ERG: variants seen among roughly 807,000 people sequenced by gnomAD.
The protein encoded by ERG is transcriptional regulator ERG.
In ERG, 9 loss-of-function variants were observed where a neutral mutation model predicts 55.3. The observed-to-expected ratio is 0.16, with a 90% confidence interval of 0.10 to 0.28. ERG has a LOEUF of 0.28. Ranked by LOEUF, ERG falls within the 10% of genes least tolerant of loss-of-function variation. The pLI is 1.00. For synonymous variants in ERG, 223 were observed against 237.3 expected (o/e 0.94, Z 0.55); for missense variants, 434 against 631.6 (o/e 0.69, Z 3.35).
intron 1 of ERG, among the ~76,000 whole-genome samples, chr21:38,486,147 A>G (rs1189313699): frequency 6.6e-6 from 1 of 151,458 alleles, no homozygotes; most frequent in Admixed American, 6.6e-5. Context: ...GTTAGCCAGG[A>G]TGGTCTCCAT....
intron 1 of ERG, among the ~76,000 whole-genome samples, chr21:38,645,790 A>C (rs2060452465): frequency 6.6e-6 from 1 of 152,248 alleles, no homozygotes; most frequent in South Asian, 2.1e-4. Flanking sequence ...TTCCAAATAC[A>C]GGCCCAGAAA....
intron 2 of ERG, among the ~76,000 whole-genome samples, chr21:38,549,472 G>A (rs1356729773): frequency 6.6e-6 from 1 of 152,162 alleles, no homozygotes; most frequent in African/African-American, 2.4e-5. Flanking sequence ...TAATCTAGAT[G>A]TTCAATCTAC....
At chr21:38,565,494 T>G (rs992808809) in intron 2 of ERG, among the ~76,000 whole-genome samples, 1 of 152,144 alleles carries the variant, frequency 6.6e-6, no homozygotes, top group African/African-American at 2.4e-5. Flanking sequence ...CCAACTCACA[T>G]CCTGCAGCTT....
the ERG span, among the ~76,000 whole-genome samples, chr21:38,373,011 C>A: frequency 7.8e-3 from 1,181 of 152,120 alleles, 18 homozygotes; most frequent in African/African-American, 0.026. Context: ...ATCCATAGAT[C>A]CTGGAAGCAA....
intron 1 of ERG, among the ~76,000 whole-genome samples, chr21:38,451,784 T>G (rs917538208): frequency 6.6e-6 from 1 of 152,220 alleles, no homozygotes; most frequent in Non-Finnish European, 1.5e-5. Flanking sequence ...TTATTCTAAA[T>G]GTGTGCACTT....
At chr21:38,607,535 G>A (rs926067106) in intron 1 of ERG, among the ~76,000 whole-genome samples, 1 of 152,132 alleles carries the variant, frequency 6.6e-6, no homozygotes, top group Non-Finnish European at 1.5e-5. Flanking sequence ...CTGAGAGGCT[G>A]AGGCAGGAGA....
intron 2 of ERG, among the ~76,000 whole-genome samples, chr21:38,529,474 T>C (rs534367966): frequency 1.6e-4 from 25 of 152,208 alleles, no homozygotes; most frequent in African/African-American, 6.0e-4. Context: ...CATTTGGGCT[T>C]AAACAAACCC....
At chr21:38,609,547 C>A (rs201619667) in intron 1 of ERG, among the ~76,000 whole-genome samples, 1 of 152,188 alleles carries the variant, frequency 6.6e-6, no homozygotes, top group African/African-American at 2.4e-5. Flanking sequence ...AAAATCAGTA[C>A]GTGAACTCAA....
intron 2 of ERG, among the ~76,000 whole-genome samples, chr21:38,570,385 T>C (rs1291827934): frequency 2.0e-5 from 3 of 152,330 alleles, no homozygotes; most frequent in African/African-American, 4.8e-5. Context: ...AACTTTTTTA[T>C]GTATGTAAGT....
chr21:38,472,636 A>G (rs1174224646), intron 1 of ERG, among the ~76,000 whole-genome samples: 1 of 152,200 alleles, frequency 6.6e-6, no homozygotes, highest in Non-Finnish European at 1.5e-5. Flanking sequence ...CAGGGCAGCT[A>G]CACTCTACGA....
chr21:38,613,999 G>A (rs914211403), intron 1 of ERG, among the ~76,000 whole-genome samples: 4 of 152,160 alleles, frequency 2.6e-5, no homozygotes, highest in African/African-American at 9.7e-5. Flanking sequence ...TGGGCTTCTA[G>A]AGCTGCATGG....
At chr21:38,442,876 C>T (rs529748677) in intron 2 of ERG, among the ~76,000 whole-genome samples, 4 of 152,146 alleles carry the variant, frequency 2.6e-5, no homozygotes, top group African/African-American at 7.2e-5. Context: ...GGCGCGATCT[C>T]GGCTCACTGC....
intron 1 of ERG, among the ~76,000 whole-genome samples, chr21:38,648,203 A>G (rs2060468329): frequency 6.6e-6 from 1 of 152,194 alleles, no homozygotes; most frequent in African/African-American, 2.4e-5. Context: ...GTGCAAACGT[A>G]ACTAATTCTG....
intron 2 of ERG, among the ~76,000 whole-genome samples, chr21:38,510,082 T>C (rs1329380549): frequency 6.6e-6 from 1 of 152,232 alleles, no homozygotes; most frequent in East Asian, 1.9e-4. Context: ...CTGGGAACCA[T>C]GGTCCTGTGT....
At chr21:38,598,787 T>C (rs537060736) in intron 1 of ERG, among the ~76,000 whole-genome samples, 1 of 152,358 alleles carries the variant, frequency 6.6e-6, no homozygotes, top group South Asian at 2.1e-4. Flanking sequence ...TTCTGGTTTC[T>C]GCACAGTATA....
rs1194942148 is a variant in ERG, at chr21:38,498,353, C to G, written c.18+10G>C. 1.9e-6 allele frequency: 3 copies of G among 1,599,736 alleles called. No individual in the cohort carries two copies. Among genetic ancestry groups the G allele is most frequent in the Non-Finnish European group, 2.6e-6 (3 of 1,168,920 alleles). ...AGATTTTGTCAAATTAAAAGGAACC[C>G]TTTCCTTACCTTAATAGTGCTGGCC... is the stretch of plus-strand genomic sequence containing the variant. On this transcript the variant is annotated intron_variant, in intron 1 of 9. Transcript: ENST00000288319. This position sits in a 1 kb window ranked among gnomAD's most constrained non-coding sequence, Gnocchi z 4.6.
intron 1 of ERG, among the ~76,000 whole-genome samples, chr21:38,455,406 G>A (rs1196647295): frequency 6.6e-6 from 1 of 152,116 alleles, no homozygotes; most frequent in Non-Finnish European, 1.5e-5. Context: ...AGCTCAAGGA[G>A]TAGCAAAGTT....
chr21:38,643,369 G>A (rs1352166745), intron 1 of ERG, among the ~76,000 whole-genome samples: 1 of 152,136 alleles, frequency 6.6e-6, no homozygotes, highest in African/African-American at 2.4e-5. Context: ...GACACAGCCA[G>A]TGAGCCCACG....
chr21:38,455,825 G>A (rs1348160918), intron 1 of ERG, among the ~76,000 whole-genome samples: 2 of 151,894 alleles, frequency 1.3e-5, no homozygotes, highest in Non-Finnish European at 2.9e-5. Flanking sequence ...GTGAGGGGGT[G>A]GGGGTGTCAA....
Sources: gnomAD v4.1 joint callset for allele counts (sites outside exome capture counted in the v4.1 genomes callset) on GRCh38, gnomAD v4.1.1 for gene constraint, Gnocchi (gnomAD v3.1) non-coding constraint, MANE v1.5 for transcripts, NCBI Gene and HGNC (gene_info 2026-07-23, HGNC 2026-07-21) for gene names.